The following TCTN3 variants were observed in gnomAD, a reference collection of about 807,000 sequenced individuals.
TCTN3 encodes tectonic family member 3, also known as tectonic-3.
In TCTN3, 57 loss-of-function variants were observed where a neutral mutation model predicts 71.3. That is an observed-to-expected ratio of 0.80 (90% CI 0.65 to 1.00). The LOEUF (loss-of-function observed/expected upper bound fraction) is 1.00. Among genes scored for constraint, TCTN3 ranks in the 50% least tolerant of loss-of-function variants. The probability of loss-of-function intolerance (pLI) is 0.00; values close to 1 mark genes in which losing one functional copy is unlikely to be tolerated. For missense variants in TCTN3, 696 were observed against 719.9 expected, an observed-to-expected ratio of 0.97 and a Z score of 0.38; for synonymous variants, 258 against 267.8, an observed-to-expected ratio of 0.96 and a Z score of 0.36.
In TCTN3 at chr10:95,672,160, T is replaced by TTGTG. The variant is rs10525130; in HGVS notation, c.1591-7864_1591-7861dup. 8.6e-5 allele frequency among the ~76,000 whole-genome samples: 12 copies of TTGTG among 139,678 alleles called. 1 individual carries two copies. In the South Asian group the frequency reaches 2.8e-3, roughly 32 times the overall value. 91.6% of individuals were successfully genotyped at this position (139,678 alleles called of 152,430 possible). ...TATCATTAAAAATTAATTATTATTA[T>TTGTG]TGTGTGTGTGTGTCTGGCTTCTTTC... On this transcript the variant is annotated intron_variant, in intron 13 of 13. Coordinates refer to ENST00000371217, the MANE Select transcript of TCTN3 (RefSeq NM_015631.6).
chr10:95,687,820 C>T, intron 3 of TCTN3, 101 bp from the exon 4 acceptor site: 1 of 1,365,274 alleles, frequency 7.3e-7, no homozygotes, highest in South Asian at 1.4e-5. Flanking sequence ...ATACAGGGTG[C>T]AAATCTTAAG....
chr10:95,687,670 G>A lies in TCTN3; in HGVS notation c.549C>T (p.Phe183=), dbSNP rs1403001274. ...QKLQKVNATN[F]QALAAEFGGE... ...CTCCAAACTCTGCAGCCAGGGCCTGGAAGTTGGTTGCATTGACCTTTTGAA... is the reference window on the plus strand; with the variant it reads ...CTCCAAACTCTGCAGCCAGGGCCTGAAAGTTGGTTGCATTGACCTTTTGAA... The change falls in exon 4 of 14, where the codon TTC becomes TTT. Residue 183 remains phenylalanine (F), a synonymous_variant. Coordinates refer to ENST00000371217, the MANE Select transcript of TCTN3 (RefSeq NM_015631.6). 3.7e-6 allele frequency: 6 copies of A among 1,614,130 alleles called. No homozygotes were observed. The South Asian group carries it at 4.4e-5, about 12-fold the overall frequency.
intron 12 of TCTN3, among the ~76,000 whole-genome samples, chr10:95,682,377 C>A (rs1359358883): frequency 6.6e-6 from 1 of 151,946 alleles, no homozygotes; most frequent in Admixed American, 6.6e-5. Context: ...GCAGTCCCAG[C>A]TACTCGGGAG....
Position 95,666,240 on chromosome 10 carries a change from C to CTTT in TCTN3, c.1591-1943_1591-1941dup, listed in dbSNP as rs35125356. Reference sequence around the variant, plus strand: ...ACAGGTGTGAGCCACCATGCCCAGCCTTTTTTTTTTTTTTTTAACATAGTG... The same window carrying CTTT: ...ACAGGTGTGAGCCACCATGCCCAGCCTTTTTTTTTTTTTTTTTTTAACATAGTG... On this transcript the variant is annotated intron_variant, in intron 13 of 13. Transcript: ENST00000371217. Among the ~76,000 whole-genome samples the CTTT allele has an allele frequency of 6.5e-3, 895 of 138,226 alleles. 9 individuals are homozygous for CTTT. The highest frequency in any genetic ancestry group is 0.022 in the African/African-American group (804 of 37,054). The allele number at this position is 138,226 out of a possible 152,430, so 90.7% of individuals were successfully genotyped here.
chr10:95,669,853 G>A (rs1027346547), intron 13 of TCTN3, among the ~76,000 whole-genome samples: 2 of 151,750 alleles, frequency 1.3e-5, no homozygotes, highest in Non-Finnish European at 2.9e-5. Context: ...CACGAGGTCA[G>A]GAGATCGAGA....
rs2139690392 is a variant in TCTN3 at position 95,663,736 on chromosome 10, G to A, written c.*331C>T. The A allele has an allele frequency of 4.2e-6, 1 of 236,350 alleles. No individual in the cohort carries two copies. The highest frequency in any genetic ancestry group is 9.8e-5 in the East Asian group (1 of 10,190). The allele number at this position is 236,350 out of a possible 1,614,324, so 14.6% of individuals were successfully genotyped here. A position where few individuals can be genotyped will look rare whatever the true frequency, so the allele number is the denominator to read the frequency against. ...TCTGCTTGGCCCAACTGTGCCTGAGGGCTGATGGATCCAGACCTTGTAAAC... is the reference window on the plus strand; with the variant it reads ...TCTGCTTGGCCCAACTGTGCCTGAGAGCTGATGGATCCAGACCTTGTAAAC... On this transcript the variant is annotated 3_prime_UTR_variant, in exon 14 of 14. Transcript: ENST00000371217.
At chr10:95,686,017 A>T (rs2097947937) in intron 7 of TCTN3, among the ~76,000 whole-genome samples, 1 of 152,264 alleles carries the variant, frequency 6.6e-6, no homozygotes, top group African/African-American at 2.4e-5. Flanking sequence ...GCTTGAGGTC[A>T]GGAGTTCAAG....
chr10:95,678,675 T>C (rs1025444364), intron 13 of TCTN3, among the ~76,000 whole-genome samples: 1 of 152,080 alleles, frequency 6.6e-6, no homozygotes, highest in Non-Finnish European at 1.5e-5. Flanking sequence ...TGGAGAAAAT[T>C]TGCATTCAAG....
intron 10 of TCTN3, 41 bp from the exon 11 acceptor site, chr10:95,683,236 A>G (rs1304716991): frequency 6.3e-7 from 1 of 1,583,412 alleles, no homozygotes; most frequent in South Asian, 1.2e-5. Context: ...CATAACAGAA[A>G]AAAAAAGGAG....
chr10:95,679,583 C>CTTTTTTTTTTT (rs201828119), intron 13 of TCTN3, among the ~76,000 whole-genome samples: 1 of 96,448 alleles, frequency 1.0e-5, no homozygotes, highest in African/African-American at 3.6e-5. Flanking sequence ...CTAGTCATTT[C>CTTTTTTTTTTT]TTTTTTTTTT....
At chr10:95,679,717 A>G (rs1589611035) in intron 13 of TCTN3, among the ~76,000 whole-genome samples, 1 of 147,184 alleles carries the variant, frequency 6.8e-6, no homozygotes, top group African/African-American at 2.5e-5. Context: ...TCAGCCTCCC[A>G]AGTAGCTAGG....
Position 95,680,346 on chromosome 10 carries a change from T to TGG in TCTN3, c.1590+125_1590+126insCC, listed in dbSNP as rs758547345. On this transcript the variant is annotated intron_variant, in intron 13 of 13. Transcript: ENST00000371217. ...CTTGACAAATTATGTCAGCTCACTT[T>TGG]AAACAAACATTGGTTGCTAACATAA... The TGG allele has an allele frequency of 0.34, 417,820 of 1,240,986 alleles. 74,145 individuals carry two copies. Among genetic ancestry groups the TGG allele is most frequent in the East Asian group, 0.65 (26,044 of 39,780 alleles). The allele number at this position is 1,240,986 out of a possible 1,614,324, so 76.9% of individuals were successfully genotyped here.
rs772468757 is a variant in TCTN3, at chr10:95,682,756, A to G, written c.1347T>C (p.Thr449=). Residue 449 remains threonine, a synonymous_variant, in exon 12 of 14, where the codon ACT becomes ACC. Coordinates refer to ENST00000371217, the MANE Select transcript of TCTN3 (RefSeq NM_015631.6). Reference sequence around the variant, plus strand: ...ACTCTGGTCTGGGCCTTCCATGAAGAGTCTGATAAATCTCCTGCTGCAAGT... The same window carrying G: ...ACTCTGGTCTGGGCCTTCCATGAAGGGTCTGATAAATCTCCTGCTGCAAGT... ...CSHLQQEIYQ[T]LHGRPRPEYV... 8 of 1,614,138 alleles carry G rather than the reference A, an allele frequency of 5.0e-6. No individual in the cohort carries two copies. The highest frequency in any genetic ancestry group is 6.8e-6 in the Non-Finnish European group (8 of 1,180,008).
rs2139691853 is a variant in TCTN3 at position 95,664,261 on chromosome 10, C to T, written c.1630G>A (p.Val544Met). 1 of 1,614,082 alleles carries T rather than the reference C, an allele frequency of 6.2e-7. No individual in the cohort carries two copies. Among genetic ancestry groups the T allele is most frequent in the African/African-American group, 1.3e-5 (1 of 75,048 alleles). ...TTCTGGGTAATGTCCACAAAGTTCA[C>T]AAGAGTTGTCAAAGATACTTCTGTA... ...QVTEVSLTTLVNFVDITQKPQ... is the reference protein window; with the variant it reads ...QVTEVSLTTLMNFVDITQKPQ... The change falls in exon 14 of 14, where the codon GTG (valine) becomes ATG (methionine). Residue 544 changes from valine (V) to methionine (M), a missense_variant. Val to Met is a conservative substitution (Grantham distance 21). Coordinates refer to ENST00000371217, the MANE Select transcript of TCTN3 (RefSeq NM_015631.6).
intron 12 of TCTN3, among the ~76,000 whole-genome samples, chr10:95,681,407 T>G (rs1258769968): frequency 6.6e-6 from 1 of 152,144 alleles, no homozygotes; most frequent in African/African-American, 2.4e-5. Context: ...AGTTACTGAG[T>G]ATCTCCTATG....
At chr10:95,688,752 T>A (rs2097951033) in intron 3 of TCTN3, among the ~76,000 whole-genome samples, 1 of 152,180 alleles carries the variant, frequency 6.6e-6, no homozygotes, top group South Asian at 2.1e-4. Context: ...ATGATAGCAA[T>A]GTATAAATCT....
Position 95,684,596 on chromosome 10 carries a change from G to A in TCTN3, c.998C>T (p.Thr333Ile). ...GACAGAAACTTTCTGGATTCCAAAAGTCCCATTGGTCTCTATCTCATAGGT... is the reference window on the plus strand; with the variant it reads ...GACAGAAACTTTCTGGATTCCAAAAATCCCATTGGTCTCTATCTCATAGGT... The part of the protein sequence containing the change: ...QVTYEIETNG[T>I]FGIQKVSVSL... The change falls in exon 9 of 14, where the codon ACT (threonine) becomes ATT (isoleucine). Residue 333 changes from threonine to isoleucine, a missense_variant. Transcript: ENST00000371217. The A allele has an allele frequency of 6.2e-7, 1 of 1,614,028 alleles. No individual in the cohort carries two copies. Among genetic ancestry groups the A allele is most frequent in the South Asian group, 1.1e-5 (1 of 91,074 alleles).
intron 13 of TCTN3, among the ~76,000 whole-genome samples, chr10:95,674,054 G>T (rs890723350): frequency 7.9e-5 from 12 of 152,094 alleles, no homozygotes; most frequent in African/African-American, 2.7e-4. Context: ...GCTATTCTAA[G>T]CCCTTAGCAT....
chr10:95,687,627 TTGAAG>T lies in TCTN3; in HGVS notation c.587_591del (p.Thr196AsnfsTer44), dbSNP rs771510826. ...GATGGTGGTGATTGAGTTTGGAATG[TTGAAG>T]TGAATGATTCGCCTCCAAACTCTGC... On this transcript the variant is annotated frameshift_variant, in exon 4 of 14. Transcript: ENST00000371217. LOFTEE classifies it high-confidence loss of function. The T allele has an allele frequency of 6.2e-7, 1 of 1,614,198 alleles. No individual in the cohort carries two copies.
Sources: allele counts gnomAD v4.1 joint callset (sites outside exome capture counted in the v4.1 genomes callset), GRCh38; gene constraint gnomAD v4.1.1; transcripts MANE v1.5; gene names NCBI Gene and HGNC (gene_info 2026-07-23, HGNC 2026-07-21).